The following LARGE1 variants were observed in gnomAD, a reference collection of about 807,000 sequenced individuals.
LARGE1 encodes LARGE xylosyl- and glucuronyltransferase 1, also known as xylosyl- and glucuronyltransferase LARGE1.
LARGE1 carries 43 observed loss-of-function variants against 87.6 expected under a neutral mutation model. That is an observed-to-expected ratio of 0.49 (90% CI 0.38 to 0.63). The LOEUF is 0.63. LARGE1 is among the 30% of genes least tolerant of loss of function. The pLI, the probability that LARGE1 is intolerant of heterozygous loss-of-function variation, is 0.00. For missense variants in LARGE1, 802 were observed against 1,000.2 expected, an observed-to-expected ratio of 0.80 and a Z score of 2.67; for synonymous variants, 434 against 394.6, an observed-to-expected ratio of 1.10 and a Z score of -1.18.
chr22:33,372,457 T>G (rs1048174294), intron 9 of LARGE1, among the ~76,000 whole-genome samples: 6 of 152,198 alleles, frequency 3.9e-5, no homozygotes, highest in African/African-American at 1.4e-4. Flanking sequence ...CAGTTCCACG[T>G]GGTTGAGGAG....
At chr22:33,217,722 A>G (rs995342850) in intron 11 of LARGE1, among the ~76,000 whole-genome samples, 3 of 152,162 alleles carry the variant, frequency 2.0e-5, no homozygotes, top group African/African-American at 7.2e-5. Flanking sequence ...ATAATATGGT[A>G]TTCCTTAAAT....
At chr22:33,515,183 A>G (rs1035833673) in intron 6 of LARGE1, among the ~76,000 whole-genome samples, 4 of 152,172 alleles carry the variant, frequency 2.6e-5, no homozygotes, top group African/African-American at 9.7e-5. Context: ...ATGTGATTCC[A>G]GACCGCAAGC....
intron 1 of LARGE1, among the ~76,000 whole-genome samples, chr22:33,778,583 T>C (rs551314702): frequency 6.6e-6 from 1 of 152,324 alleles, no homozygotes; most frequent in African/African-American, 2.4e-5. Context: ...CATGGCCTTT[T>C]GGGTCTGGTT....
chr22:33,571,158 C>T (rs989049658), intron 5 of LARGE1, among the ~76,000 whole-genome samples: 2 of 152,198 alleles, frequency 1.3e-5, no homozygotes, highest in Admixed American at 6.5e-5. Flanking sequence ...AGCAAAAATG[C>T]AGTCATGCCC....
chr22:33,309,519 A>G (rs1212962068), intron 11 of LARGE1, among the ~76,000 whole-genome samples: 1 of 152,178 alleles, frequency 6.6e-6, no homozygotes, highest in Non-Finnish European at 1.5e-5. Context: ...CCACCACGTG[A>G]GGACACAGTA....
At chr22:33,310,850 A>T (rs1935496469) in intron 11 of LARGE1, among the ~76,000 whole-genome samples, 1 of 152,052 alleles carries the variant, frequency 6.6e-6, no homozygotes, top group African/African-American at 2.4e-5. Context: ...TGATGGTGAT[A>T]CATGTCACAA....
chr22:33,789,881 C>T (rs1214157217), intron 1 of LARGE1, among the ~76,000 whole-genome samples: 1 of 152,172 alleles, frequency 6.6e-6, no homozygotes, highest in African/African-American at 2.4e-5. Flanking sequence ...GTGGAAGAGA[C>T]TAGCCTTGTC....
chr22:33,282,534 G>C (rs7284378), intron 13 of LARGE1, among the ~76,000 whole-genome samples: 6,993 of 152,222 alleles, frequency 0.046, 222 homozygotes, highest in Middle Eastern at 0.088. Flanking sequence ...CTGTGCGGTG[G>C]CACAGACTCC....
chr22:33,683,706 G>A (rs965059436), intron 2 of LARGE1, among the ~76,000 whole-genome samples: 1 of 151,706 alleles, frequency 6.6e-6, no homozygotes, highest in Non-Finnish European at 1.5e-5. Context: ...GGAATAGAAT[G>A]GTTAGGCAAT....
At chr22:33,258,129 C>T (rs1415509455) in intron 11 of LARGE1, among the ~76,000 whole-genome samples, 1 of 152,082 alleles carries the variant, frequency 6.6e-6, no homozygotes, top group Non-Finnish European at 1.5e-5. Flanking sequence ...CCCAGGTTCA[C>T]CGCGATTCTC....
chr22:33,808,144 T>TCTCA (rs1339620955), intron 1 of LARGE1, among the ~76,000 whole-genome samples: 1 of 152,238 alleles, frequency 6.6e-6, no homozygotes, highest in Non-Finnish European at 1.5e-5. Flanking sequence ...TTCCTGTTGC[T>TCTCA]CCACATCCTC....
chr22:33,500,907 G>T (rs1481835470), intron 6 of LARGE1, among the ~76,000 whole-genome samples: 2 of 152,182 alleles, frequency 1.3e-5, no homozygotes, highest in African/African-American at 4.8e-5. Context: ...AGAAGAAATA[G>T]AAGATCATTC....
chr22:33,102,932 C>T, the LARGE1 span, among the ~76,000 whole-genome samples: 1 of 152,072 alleles, frequency 6.6e-6, no homozygotes, highest in Non-Finnish European at 1.5e-5. Flanking sequence ...GAGTCAGAAA[C>T]AGACCCCGAA....
chr22:33,334,118 G>A (rs765191634), intron 10 of LARGE1, among the ~76,000 whole-genome samples: 37 of 141,672 alleles, frequency 2.6e-4, no homozygotes, highest in East Asian at 4.3e-4. Context: ...GCGAGATTCC[G>A]TCTCAAAAAA....
intron 11 of LARGE1, among the ~76,000 whole-genome samples, chr22:33,169,577 C>T (rs961679511): frequency 3.9e-5 from 6 of 151,992 alleles, no homozygotes; most frequent in African/African-American, 9.7e-5. Context: ...AGGGGCTGGG[C>T]GCAGTGGCTC....
At chr22:33,107,846 AC>A in the LARGE1 span, among the ~76,000 whole-genome samples, 6 of 152,068 alleles carry the variant, frequency 3.9e-5, no homozygotes, top group Non-Finnish European at 8.8e-5. Flanking sequence ...CCACAGGAAG[AC>A]CCTGTCTCTA....
chr22:33,211,555 T>C (rs1271421540), intron 11 of LARGE1, among the ~76,000 whole-genome samples: 1 of 152,090 alleles, frequency 6.6e-6, no homozygotes, highest in African/African-American at 2.4e-5. Context: ...ATGGATCACC[T>C]GAGGTCAGGA....
intron 3 of LARGE1, among the ~76,000 whole-genome samples, chr22:33,642,075 A>T (rs1338872625): frequency 6.6e-6 from 1 of 152,182 alleles, no homozygotes; most frequent in Non-Finnish European, 1.5e-5. Context: ...CAAGACACAT[A>T]ATCGTCAGAT....
intron 1 of LARGE1, among the ~76,000 whole-genome samples, chr22:33,825,752 T>C (rs892093748): frequency 1.3e-5 from 2 of 152,154 alleles, no homozygotes; most frequent in African/African-American, 4.8e-5. Flanking sequence ...CCATATCAGA[T>C]GGTGACAGAG....
Sources: allele counts gnomAD v4.1 joint callset (sites outside exome capture counted in the v4.1 genomes callset), GRCh38; gene constraint gnomAD v4.1.1; transcripts MANE v1.5; gene names NCBI Gene and HGNC (gene_info 2026-07-23, HGNC 2026-07-21).